Variants in CNOT6 observed in about 807,000 individuals in gnomAD.
CNOT6 encodes CCR4-NOT transcription complex subunit 6, also known as carbon catabolite repression 4 protein.
CNOT6 carries 12 observed loss-of-function variants against 61.2 expected under a neutral mutation model. The ratio of observed to expected loss-of-function variants is 0.20; its 90% CI spans 0.13 to 0.32. CNOT6 has a LOEUF of 0.32. CNOT6 is among the 10% of genes least tolerant of loss of function. The pLI is 1.00. For synonymous variants in CNOT6, 225 were observed against 240.6 expected (o/e 0.94, Z 0.60); for missense variants, 405 against 663.9 (o/e 0.61, Z 4.28).
At chr5:180,516,475 C>G (rs1757643547) in intron 1 of CNOT6, among the ~76,000 whole-genome samples, 1 of 152,116 alleles carries the variant, frequency 6.6e-6, no homozygotes, top group South Asian at 2.1e-4. Context: ...CCACCGCGCC[C>G]AGCTCCAAAG....
At chr5:180,555,131 C>T (rs1056604612) in intron 4 of CNOT6, among the ~76,000 whole-genome samples, 1 of 151,934 alleles carries the variant, frequency 6.6e-6, no homozygotes, top group Non-Finnish European at 1.5e-5. Flanking sequence ...TTCAGCCTCC[C>T]GAGTAGCTGA....
intron 1 of CNOT6, among the ~76,000 whole-genome samples, chr5:180,502,294 C>T (rs1561629317): frequency 6.6e-6 from 1 of 152,146 alleles, no homozygotes; most frequent in African/African-American, 2.4e-5. Flanking sequence ...ATAAAAAAAA[C>T]TCTTTCTCAT....
chr5:180,498,279 A>G (rs1409008829), intron 1 of CNOT6, among the ~76,000 whole-genome samples: 1 of 152,158 alleles, frequency 6.6e-6, no homozygotes, highest in Admixed American at 6.5e-5. Context: ...TTACACGTTA[A>G]GGTATGTACT....
intron 1 of CNOT6, among the ~76,000 whole-genome samples, chr5:180,519,766 CTTTTTTTT>C (rs58209260): frequency 1.4e-5 from 2 of 138,870 alleles, no homozygotes; most frequent in African/African-American, 2.8e-5. Context: ...TTAATCGATT[CTTTTTTTT>C]TTTTATTGTT....
chr5:180,568,809 G>A (rs1020960334), intron 9 of CNOT6, among the ~76,000 whole-genome samples: 3 of 152,120 alleles, frequency 2.0e-5, no homozygotes, highest in African/African-American at 7.2e-5. Context: ...TGTGAGGCTC[G>A]ATTTAGGACA....
intron 1 of CNOT6, among the ~76,000 whole-genome samples, chr5:180,527,665 A>G (rs1454529746): frequency 6.6e-6 from 1 of 152,102 alleles, no homozygotes; most frequent in Non-Finnish European, 1.5e-5. Context: ...GTTTATGTGT[A>G]CTTCTCATGG....
intron 4 of CNOT6, among the ~76,000 whole-genome samples, chr5:180,554,340 C>A (rs189452380): frequency 6.6e-6 from 1 of 151,232 alleles, no homozygotes; most frequent in Admixed American, 6.6e-5. Context: ...CTTGCTTGAA[C>A]CTGGGAAGCA....
chr5:180,517,117 A>G (rs1757669727), intron 1 of CNOT6, among the ~76,000 whole-genome samples: 1 of 152,194 alleles, frequency 6.6e-6, no homozygotes, highest in Non-Finnish European at 1.5e-5. Flanking sequence ...GCCAATATTC[A>G]TCTAATGCTT....
intron 2 of CNOT6, among the ~76,000 whole-genome samples, chr5:180,543,872 A>G (rs1208266054): frequency 4.0e-5 from 6 of 151,734 alleles, no homozygotes; most frequent in African/African-American, 1.2e-4. Flanking sequence ...GTGCAGTGGC[A>G]CGATCTCAGC....
chr5:180,506,018 A>G (rs1757120342), intron 1 of CNOT6, among the ~76,000 whole-genome samples: 2 of 152,228 alleles, frequency 1.3e-5, no homozygotes, highest in Admixed American at 6.5e-5. Flanking sequence ...GATCCCAGCA[A>G]CATATTATTT....
chr5:180,535,988 GTTTTTTTTTTT>G (rs756489493), intron 2 of CNOT6, among the ~76,000 whole-genome samples: 5 of 62,496 alleles, frequency 8.0e-5, no homozygotes, highest in African/African-American at 2.0e-4. Flanking sequence ...ACTTATTAGG[GTTTTTTTTTTT>G]TTTTTTTTTT....
chr5:180,532,546 C>G (rs1189560029), intron 2 of CNOT6, among the ~76,000 whole-genome samples: 4 of 152,174 alleles, frequency 2.6e-5, no homozygotes, highest in Non-Finnish European at 5.9e-5. Context: ...GTCATCAACA[C>G]AAAAGAAGAC....
Position 180,494,473 on chromosome 5 carries a change from C to T in CNOT6, c.-293C>T. 6.5e-6 allele frequency: 1 copy of T among 154,000 alleles called. No individual in the cohort carries two copies. The highest frequency in any genetic ancestry group is 1.4e-5 in the Non-Finnish European group (1 of 70,290). 9.5% of individuals were successfully genotyped at this position (154,000 alleles called of 1,614,324 possible). A position where few individuals can be genotyped will look rare whatever the true frequency, so the allele number is the denominator to read the frequency against. On this transcript the variant is annotated 5_prime_UTR_variant, in exon 1 of 12. It adds an upstream start codon to the 5' untranslated region. Coordinates refer to ENST00000261951, the MANE Select transcript of CNOT6 (RefSeq NM_001370472.1). ...GCGGCGGCGTCGGTGGCGGCGGCGA[C>T]GGCGGCGCGGAGGCGAAGGCAGCGG...
At chr5:180,519,432 G>C (rs1162090484) in intron 1 of CNOT6, among the ~76,000 whole-genome samples, 3 of 152,152 alleles carry the variant, frequency 2.0e-5, no homozygotes, top group Non-Finnish European at 4.4e-5. Flanking sequence ...TACTTATTTA[G>C]CAAAAGTTCG....
At chr5:180,562,712 C>G (rs949340654) in intron 4 of CNOT6, among the ~76,000 whole-genome samples, 1 of 152,056 alleles carries the variant, frequency 6.6e-6, no homozygotes, top group Non-Finnish European at 1.5e-5. Flanking sequence ...TGCACTCCAG[C>G]CTGGGCAACA....
At chr5:180,540,049 TATCTTTTTCCTTC>T (rs1758954123) in intron 2 of CNOT6, among the ~76,000 whole-genome samples, 1 of 152,194 alleles carries the variant, frequency 6.6e-6, no homozygotes, top group African/African-American at 2.4e-5. Context: ...CTCTCATTTT[TATCTTTTTCCTTC>T]ATCTTTTTTA....
chr5:180,573,617 G>A (rs751015968), intron 11 of CNOT6, among the ~76,000 whole-genome samples: 34 of 140,938 alleles, frequency 2.4e-4, no homozygotes, highest in African/African-American at 8.7e-4. Context: ...CCGTCCGTCC[G>A]TCCTGGGGCA....
intron 4 of CNOT6, among the ~76,000 whole-genome samples, chr5:180,563,216 AT>A (rs11379078): frequency 9.1e-4 from 127 of 140,194 alleles, no homozygotes; most frequent in South Asian, 1.4e-3. Context: ...TTCCTGTTAA[AT>A]TTTTTTTTTT....
At chr5:180,509,948 C>T (rs1757307344) in intron 1 of CNOT6, among the ~76,000 whole-genome samples, 1 of 149,118 alleles carries the variant, frequency 6.7e-6, no homozygotes, top group African/African-American at 2.5e-5. Context: ...ATAGTATCAT[C>T]AGCAATTTAT....
Sources: gnomAD v4.1 joint callset for allele counts (sites outside exome capture counted in the v4.1 genomes callset) on GRCh38, gnomAD v4.1.1 for gene constraint, MANE v1.5 for transcripts, NCBI Gene and HGNC (gene_info 2026-07-23, HGNC 2026-07-21) for gene names.